ADAMTS8: variants seen among roughly 807,000 people sequenced by gnomAD.
The protein encoded by ADAMTS8 is ADAM metallopeptidase with thrombospondin type 1 motif 8.
In ADAMTS8, 50 loss-of-function variants were observed where a neutral mutation model predicts 64.4. That is an observed-to-expected ratio of 0.78 (90% confidence interval 0.62 to 0.98). The LOEUF is 0.98. Ranked by LOEUF, ADAMTS8 falls within the 50% of genes least tolerant of loss-of-function variation. ADAMTS8 has a pLI of 0.00. For missense variants in ADAMTS8, 1,192 were observed against 1,208.2 expected (o/e 0.99, Z 0.20); for synonymous variants, 556 against 533.6 (o/e 1.04, Z -0.58).
At position 130,408,826 on chromosome 11, in the gene ADAMTS8, C is replaced by T. The variant is rs371562238; in HGVS notation, c.1865G>A (p.Arg622His). Residue 622 changes from arginine to histidine, a missense_variant, in exon 7 of 9, where the codon CGC becomes CAC. Arg to His is a conservative substitution (Grantham distance 29). Coordinates refer to ENST00000257359, the MANE Select transcript of ADAMTS8 (RefSeq NM_007037.6). The stretch of plus-strand genomic sequence containing the variant: ...CCGGGCTCGGCAGAACAACTTGCAG[C>T]GGTCCCGGGGGGACACCCCAGCATA... ...PKYAGVSPRD[R>H]CKLFCRARGR... is the part of the protein sequence containing the mutation. The T allele has an allele frequency of 2.7e-5, 43 of 1,613,998 alleles. 1 individual carries two copies. Among genetic ancestry groups the T allele is most frequent in the South Asian group, 1.2e-4 (11 of 91,030 alleles).
At chr11:130,427,194 G>A (rs149956760) in intron 1 of ADAMTS8, among the ~76,000 whole-genome samples, 6 of 152,366 alleles carry the variant, frequency 3.9e-5, no homozygotes, top group African/African-American at 1.4e-4. Context: ...ATTCGTAAAC[G>A]CTCAATTTTC....
intron 1 of ADAMTS8, among the ~76,000 whole-genome samples, chr11:130,426,797 G>A (rs1420866120): frequency 1.3e-5 from 2 of 152,224 alleles, no homozygotes; most frequent in African/African-American, 4.8e-5. Context: ...TGTGGGTCTG[G>A]CTTTACTAGA....
chr11:130,423,630 C>T (rs1188689123), intron 1 of ADAMTS8, among the ~76,000 whole-genome samples: 1 of 152,230 alleles, frequency 6.6e-6, no homozygotes, highest in African/African-American at 2.4e-5. Context: ...AATCTGACCT[C>T]CTGCGAGTGT....
At chr11:130,410,694 A>C (rs1861941372) in intron 6 of ADAMTS8, among the ~76,000 whole-genome samples, 2 of 152,138 alleles carry the variant, frequency 1.3e-5, no homozygotes, top group African/African-American at 4.8e-5. Flanking sequence ...GTTGGATGGG[A>C]TGGTGGGGAA....
At position 130,405,868 on chromosome 11, in the gene ADAMTS8, G is replaced by C; in HGVS notation, c.2360C>G (p.Thr787Arg). The C allele has an allele frequency of 6.2e-7, 1 of 1,614,066 alleles. No homozygotes were observed. Among genetic ancestry groups the C allele is most frequent in the Non-Finnish European group, 8.5e-7 (1 of 1,180,054 alleles). Residue 787 changes from threonine (T) to arginine (R), a missense_variant, in exon 9 of 9, where the codon ACA (threonine) becomes AGA (arginine). Thr to Arg is a moderately conservative substitution (Grantham distance 71). Transcript: ENST00000257359. ...GCCAGGGACTGTCAGGAGCTGCACT[G>C]TCAGAGGCTCTGGCAAGGGCCGGAA... is the stretch of plus-strand genomic sequence containing the variant. The part of the protein sequence containing the change: ...QSFRPLPEPL[T>R]VQLLTVPGEV...
At chr11:130,425,693 T>C (rs930681252) in intron 1 of ADAMTS8, among the ~76,000 whole-genome samples, 5 of 151,822 alleles carry the variant, frequency 3.3e-5, no homozygotes, top group African/African-American at 1.2e-4. Context: ...CTCTGCCTCC[T>C]GAGTTGACAC....
rs1816641269 is a variant in ADAMTS8, at chr11:130,405,423, T to C, written c.*135A>G. The C allele has an allele frequency of 4.7e-6, 7 of 1,483,440 alleles. No homozygotes were observed. Among genetic ancestry groups the C allele is most frequent in the Non-Finnish European group, 6.2e-6 (7 of 1,126,000 alleles). 91.9% of individuals were successfully genotyped at this position (1,483,440 alleles called of 1,614,324 possible). A position where few individuals can be genotyped will look rare whatever the true frequency, so the allele number is the denominator to read the frequency against. On this transcript the variant is annotated 3_prime_UTR_variant, in exon 9 of 9. Transcript: ENST00000257359. ...AGGAATTTGTGCAGTACTGGAGGGGTTGCGGCAATGGGAGGCCTGGGTGGG... is the reference window on the plus strand; with the variant it reads ...AGGAATTTGTGCAGTACTGGAGGGGCTGCGGCAATGGGAGGCCTGGGTGGG...
At chr11:130,418,322 AGGCTGGCTGTATCCTAG>A (rs1432444518) in intron 2 of ADAMTS8, among the ~76,000 whole-genome samples, 1 of 152,192 alleles carries the variant, frequency 6.6e-6, no homozygotes, top group Admixed American at 6.5e-5. Flanking sequence ...TCTATGTTAC[AGGCTGGCTGTATCCTAG>A]GGCTGGCTGC....
intron 4 of ADAMTS8, among the ~76,000 whole-genome samples, chr11:130,415,593 G>A (rs1862011214): frequency 8.0e-6 from 1 of 124,642 alleles, no homozygotes; most frequent in Non-Finnish European, 1.7e-5. Context: ...AGAAGCCACT[G>A]CACCTGGCCC....
chr11:130,405,533 C>T lies in ADAMTS8; in HGVS notation c.*25G>A. On this transcript the variant is annotated 3_prime_UTR_variant, in exon 9 of 9. Transcript: ENST00000257359. ...CCTCAGTACCGCATGTCCAGGAGCA[C>T]AAGACTGGCCCCTGCCCCCCTGAAT... The T allele has an allele frequency of 6.4e-7, 1 of 1,567,462 alleles. No individual in the cohort carries two copies. The highest frequency in any genetic ancestry group is 8.7e-7 in the Non-Finnish European group (1 of 1,155,836).
chr11:130,424,722 G>A (rs377208705), intron 1 of ADAMTS8, among the ~76,000 whole-genome samples: 1 of 152,130 alleles, frequency 6.6e-6, no homozygotes, highest in Non-Finnish European at 1.5e-5. Flanking sequence ...ATCTGTTTTC[G>A]GAAGCGCAGG....
At position 130,416,343 on chromosome 11, in the gene ADAMTS8, G is replaced by A; in HGVS notation, c.1097-13C>T. The A allele has an allele frequency of 6.5e-7, 1 of 1,549,402 alleles. No homozygotes were observed. Among genetic ancestry groups the A allele is most frequent in the South Asian group, 1.2e-5 (1 of 83,834 alleles). On this transcript the variant is annotated splice_polypyrimidine_tract_variant and intron_variant, in intron 3 of 8. Coordinates refer to ENST00000257359, the MANE Select transcript of ADAMTS8 (RefSeq NM_007037.6). The surrounding 1 kb of genome is among the most constrained non-coding windows in gnomAD (Gnocchi z 4.8). The stretch of plus-strand genomic sequence containing the variant: ...CTGAGGACGTGCCCTGGGGAGAGAG[G>A]CCTGGTCCACTCCGCCCTGTCCTGC...
chr11:130,424,492 G>C (rs907007401), intron 1 of ADAMTS8, among the ~76,000 whole-genome samples: 3 of 152,160 alleles, frequency 2.0e-5, no homozygotes, highest in African/African-American at 7.2e-5. Context: ...CAGGTGTCCT[G>C]CTTCACAGAT....
chr11:130,419,010 C>A (rs774344472), intron 2 of ADAMTS8, 43 bp downstream of exon 2: 2 of 1,611,660 alleles, frequency 1.2e-6, no homozygotes, highest in Admixed American at 1.7e-5. Context: ...TCTGCCCATC[C>A]TGTCTCCCTT....
Position 130,408,839 on chromosome 11 carries a change from A to T in ADAMTS8, c.1852T>A (p.Ser618Thr), listed in dbSNP as rs1400030093. 6.2e-7 allele frequency: 1 copy of T among 1,613,540 alleles called. No homozygotes were observed. The highest frequency in any genetic ancestry group is 8.5e-7 in the Non-Finnish European group (1 of 1,179,868). The change falls in exon 7 of 9, where the codon TCC becomes ACC. Residue 618 changes from serine (S) to threonine (T), a missense_variant. Around this residue, in one of 5 missense-constraint regions of ADAMTS8, gnomAD observed 290 missense variants for 297.8 expected, o/e 0.97. Coordinates refer to ENST00000257359, the MANE Select transcript of ADAMTS8 (RefSeq NM_007037.6). ...LQWVPKYAGV[S>T]PRDRCKLFCR... ...AACAACTTGCAGCGGTCCCGGGGGGACACCCCAGCATACTTGGGGACCCAC... is the reference window on the plus strand; with the variant it reads ...AACAACTTGCAGCGGTCCCGGGGGGTCACCCCAGCATACTTGGGGACCCAC...
chr11:130,420,566 G>A (rs999570047), intron 1 of ADAMTS8, among the ~76,000 whole-genome samples: 2 of 152,106 alleles, frequency 1.3e-5, no homozygotes, highest in Admixed American at 1.3e-4. Context: ...CTGGAAGGTG[G>A]GAGTGGAAGG....
chr11:130,428,007 C>G lies in ADAMTS8; in HGVS notation c.280G>C (p.Glu94Gln). The change falls in exon 1 of 9, where the codon GAG becomes CAG. Residue 94 changes from glutamate (E) to glutamine (Q), a missense_variant. Around this residue, in one of 5 missense-constraint regions of ADAMTS8, gnomAD observed 741 missense variants for 710.6 expected, o/e 1.04. Coordinates refer to ENST00000257359, the MANE Select transcript of ADAMTS8 (RefSeq NM_007037.6). Reference sequence around the variant, plus strand: ...AAGAAGCAGCCGCGCAGCCCCCGCTCGCCCCCGGTCGCCCGGCCGGAGCCC... The same window carrying G: ...AAGAAGCAGCCGCGCAGCCCCCGCTGGCCCCCGGTCGCCCGGCCGGAGCCC... ...LGGSGRATGGERGLRGCFFSG... is the reference protein window; with the variant it reads ...LGGSGRATGGQRGLRGCFFSG... 1.3e-6 allele frequency: 2 copies of G among 1,526,008 alleles called. No homozygotes were observed. Among genetic ancestry groups the G allele is most frequent in the Non-Finnish European group, 1.7e-6 (2 of 1,143,084 alleles). 94.5% of individuals were successfully genotyped at this position (1,526,008 alleles called of 1,614,324 possible).
At chr11:130,409,889 C>CT (rs1375292666) in intron 6 of ADAMTS8, among the ~76,000 whole-genome samples, 1 of 152,370 alleles carries the variant, frequency 6.6e-6, no homozygotes, top group East Asian at 1.9e-4. Flanking sequence ...GCCTGAGACT[C>CT]TGAGTCAGTG....
rs575416357 is a variant in ADAMTS8 at position 130,408,803 on chromosome 11, G to A, written c.1888C>T (p.Arg630Trp). Reference sequence around the variant, plus strand: ...AACACTTTGAACTCGCTCCTCCCCCGGGCTCGGCAGAACAACTTGCAGCGG... The same window carrying A: ...AACACTTTGAACTCGCTCCTCCCCCAGGCTCGGCAGAACAACTTGCAGCGG... ...RDRCKLFCRA[R>W]GRSEFKVFEA... Residue 630 changes from arginine (R) to tryptophan (W), a missense_variant, in exon 7 of 9, where the codon CGG becomes TGG. This residue lies in a region of ADAMTS8 where 290 missense variants were observed against 297.8 expected (regional missense o/e 0.97). Coordinates refer to ENST00000257359, the MANE Select transcript of ADAMTS8 (RefSeq NM_007037.6). The A allele has an allele frequency of 3.7e-5, 59 of 1,614,116 alleles. No homozygotes were observed. The highest frequency in any genetic ancestry group is 9.3e-5 in the African/African-American group (7 of 75,040).
Sources: gnomAD v4.1 joint callset for allele counts (sites outside exome capture counted in the v4.1 genomes callset) on GRCh38, gnomAD v4.1.1 for gene constraint, gnomAD v4.1.1 regional missense constraint, Gnocchi (gnomAD v3.1) non-coding constraint, MANE v1.5 for transcripts, NCBI Gene and HGNC (gene_info 2026-07-23, HGNC 2026-07-21) for gene names.